Variants in NOVA1 observed in about 807,000 individuals in gnomAD.
NOVA1 encodes NOVA alternative splicing regulator 1.
NOVA1 carries 7 observed loss-of-function variants against 38.0 expected under a neutral mutation model. That is an observed-to-expected ratio of 0.18 (90% CI 0.10 to 0.35). The LOEUF (loss-of-function observed/expected upper bound fraction) is 0.35, where lower values mean the gene tolerates loss of function less well. Among genes scored for constraint, NOVA1 ranks in the 10% least tolerant of loss-of-function variants. The pLI is 1.00. For missense variants in NOVA1, 460 were observed against 616.0 expected (o/e 0.75, Z 2.68); for synonymous variants, 270 against 232.5 (o/e 1.16, Z -1.47).
At chr14:26,486,558 A>G (rs1343552539) in intron 2 of NOVA1, among the ~76,000 whole-genome samples, 1 of 151,510 alleles carries the variant, frequency 6.6e-6, no homozygotes, top group African/African-American at 2.4e-5. Flanking sequence ...AAATACAAAA[A>G]ATTAGCCAGG....
At position 26,502,751 on chromosome 14, in the gene NOVA1, T is replaced by TA. The variant is rs200053727; in HGVS notation, c.281-22609dup. Among the ~76,000 whole-genome samples, 583 of 152,128 alleles carry TA rather than the reference T, an allele frequency of 3.8e-3. 27 individuals carry two copies. Among genetic ancestry groups the TA allele is most frequent in the Admixed American group, 0.036 (553 of 15,264 alleles). ...TTTGTAAATAAAATATTTTGACAAT[T>TA]ATAATTTTTCCTAAGTAAACTCAAA... On this transcript the variant is annotated intron_variant, in intron 2 of 4. Transcript: ENST00000539517.
chr14:26,560,803 T>C (rs1348562802), intron 2 of NOVA1, among the ~76,000 whole-genome samples: 2 of 152,208 alleles, frequency 1.3e-5, no homozygotes, highest in Non-Finnish European at 2.9e-5. Flanking sequence ...TGTGAACTAA[T>C]TCAGCTGATA....
Position 26,472,400 on chromosome 14 carries a change from C to T in NOVA1, c.448-9G>A, listed in dbSNP as rs757852769. 6.7e-7 allele frequency: 1 copy of T among 1,485,250 alleles called. No homozygotes were observed. The highest frequency in any genetic ancestry group is 9.1e-7 in the Non-Finnish European group (1 of 1,100,192). The allele number at this position is 1,485,250 out of a possible 1,614,324, so 92.0% of individuals were successfully genotyped here. A position where few individuals can be genotyped will look rare whatever the true frequency, so the allele number is the denominator to read the frequency against. ...GGGGAAGATGGCAATGTCTGGGAAA[C>T]AAAGCAGTTCAGGAGCAAATCAACC... On this transcript the variant is annotated splice_polypyrimidine_tract_variant and intron_variant, in intron 3 of 4. Transcript: ENST00000539517.
chr14:26,570,280 G>A (rs1892390205), intron 2 of NOVA1, among the ~76,000 whole-genome samples: 1 of 152,058 alleles, frequency 6.6e-6, no homozygotes, highest in Admixed American at 6.6e-5. Context: ...CTGGGAGGCA[G>A]AGGTTGCAGT....
rs113711939 is a variant in NOVA1 at position 26,567,589 on chromosome 14, C to T, written c.280+27821G>A. 1.2e-3 allele frequency among the ~76,000 whole-genome samples: 185 copies of T among 152,168 alleles called. 1 individual carries two copies. Among genetic ancestry groups the T allele is most frequent in the African/African-American group, 4.0e-3 (166 of 41,532 alleles). On this transcript the variant is annotated intron_variant, in intron 2 of 4. Transcript: ENST00000539517. ...GGAATTATAGGCATGAGTCACTGTA[C>T]CCGACTGTCTTACTTGATTTAAATA... is the stretch of plus-strand genomic sequence containing the variant.
At chr14:26,503,316 C>T (rs935751158) in intron 2 of NOVA1, among the ~76,000 whole-genome samples, 4 of 151,820 alleles carry the variant, frequency 2.6e-5, no homozygotes, top group African/African-American at 9.7e-5. Flanking sequence ...TGCACACATA[C>T]CCTGGCACAA....
At chr14:26,506,707 G>T (rs946435155) in intron 2 of NOVA1, among the ~76,000 whole-genome samples, 1 of 152,034 alleles carries the variant, frequency 6.6e-6, no homozygotes, top group Admixed American at 6.5e-5. Flanking sequence ...AGCCTCCCAA[G>T]TAGCTGGGAC....
At chr14:26,494,820 T>C (rs913162047) in intron 2 of NOVA1, among the ~76,000 whole-genome samples, 4 of 152,310 alleles carry the variant, frequency 2.6e-5, no homozygotes, top group Middle Eastern at 6.8e-3. Flanking sequence ...TTACTGTCCA[T>C]CTTGGTTCAC....
intron 2 of NOVA1, among the ~76,000 whole-genome samples, chr14:26,542,346 T>A (rs2138602260): frequency 6.6e-6 from 1 of 152,016 alleles, no homozygotes; most frequent in East Asian, 1.9e-4. Context: ...CTTTTTGGAT[T>A]TCTTGGTTAT....
At chr14:26,487,086 A>G (rs954691172) in intron 2 of NOVA1, among the ~76,000 whole-genome samples, 1 of 152,168 alleles carries the variant, frequency 6.6e-6, no homozygotes, top group Non-Finnish European at 1.5e-5. Context: ...TTACATAAGC[A>G]AAAGTCTCAT....
At chr14:26,551,553 C>T (rs1891161564) in intron 2 of NOVA1, among the ~76,000 whole-genome samples, 1 of 152,010 alleles carries the variant, frequency 6.6e-6, no homozygotes. Flanking sequence ...CTGCCACATA[C>T]CTATGGATTC....
chr14:26,448,577 T>C lies in NOVA1; in HGVS notation c.906A>G (p.Ala302=). 6.2e-7 allele frequency: 1 copy of C among 1,614,206 alleles called. No individual in the cohort carries two copies. The highest frequency in any genetic ancestry group is 8.5e-7 in the Non-Finnish European group (1 of 1,180,034). The change falls in exon 5 of 5, where the codon GCA becomes GCG. Residue 302 remains alanine, a synonymous_variant. Coordinates refer to ENST00000539517, the MANE Select transcript of NOVA1 (RefSeq NM_002515.3). This position sits in a 1 kb window ranked among gnomAD's most constrained non-coding sequence, Gnocchi z 5.3. The part of the protein sequence containing the change: ...ANLAGVAAFP[A]VLSGFTGNDL... ...CATTGCCTGTGAAGCCAGATAAAAC[T>C]GCTGGAAAGGCTGCAACGCCAGCAA...
chr14:26,550,311 A>T (rs1716184642), intron 2 of NOVA1, among the ~76,000 whole-genome samples: 1 of 152,190 alleles, frequency 6.6e-6, no homozygotes, highest in African/African-American at 2.4e-5. Flanking sequence ...GGGATTTTTA[A>T]AAAGTTATTC....
At chr14:26,477,760 G>A (rs574781245) in intron 3 of NOVA1, among the ~76,000 whole-genome samples, 2 of 151,948 alleles carry the variant, frequency 1.3e-5, no homozygotes, top group South Asian at 2.1e-4. Context: ...AGAGTACTAC[G>A]TTGGTAAAAT....
At position 26,449,731 on chromosome 14, in the gene NOVA1, A is replaced by C. The variant is rs577509974; in HGVS notation, c.520-768T>G. On this transcript the variant is annotated intron_variant, in intron 4 of 4. Transcript: ENST00000539517. ...AGTCTAATTATTCGCTTTTTTGGCTATCATTGCTACATTTTTAAAATTAGG... is the reference window on the plus strand; with the variant it reads ...AGTCTAATTATTCGCTTTTTTGGCTCTCATTGCTACATTTTTAAAATTAGG... Among the ~76,000 whole-genome samples, 5 of 152,142 alleles carry C rather than the reference A, an allele frequency of 3.3e-5. No homozygotes were observed. The East Asian group carries it at 9.7e-4, about 29-fold the overall frequency.
intron 2 of NOVA1, among the ~76,000 whole-genome samples, chr14:26,569,721 C>T (rs954572010): frequency 2.6e-5 from 4 of 152,134 alleles, no homozygotes; most frequent in Non-Finnish European, 5.9e-5. Context: ...GACAAATAAT[C>T]ACACCCAATT....
chr14:26,557,344 A>T (rs1035289536), intron 2 of NOVA1, among the ~76,000 whole-genome samples: 4 of 152,102 alleles, frequency 2.6e-5, no homozygotes, highest in Non-Finnish European at 5.9e-5. Context: ...CAACAGAAGG[A>T]AATTGCTGGT....
intron 2 of NOVA1, among the ~76,000 whole-genome samples, chr14:26,555,398 TG>T (rs1891418732): frequency 1.3e-5 from 2 of 152,276 alleles, no homozygotes; most frequent in South Asian, 4.1e-4. Context: ...ATTACATTGA[TG>T]TTTATAACTG....
At chr14:26,483,485 T>C (rs1309090363) in intron 2 of NOVA1, among the ~76,000 whole-genome samples, 3 of 152,198 alleles carry the variant, frequency 2.0e-5, no homozygotes, top group South Asian at 4.1e-4. Context: ...GTAAAGATCA[T>C]AAATGGATAA....
Sources: gnomAD v4.1 joint callset for allele counts (sites outside exome capture counted in the v4.1 genomes callset) on GRCh38, gnomAD v4.1.1 for gene constraint, Gnocchi (gnomAD v3.1) non-coding constraint, MANE v1.5 for transcripts, NCBI Gene and HGNC (gene_info 2026-07-23, HGNC 2026-07-21) for gene names.